KIF26B: variants seen among roughly 807,000 people sequenced by gnomAD.
The protein encoded by KIF26B is kinesin family member 26B, also known as kinesin-like protein KIF26B.
A neutral mutation model predicts 151.2 loss-of-function variants in KIF26B; 63 were observed. The ratio of observed to expected loss-of-function variants is 0.42; its 90% CI spans 0.34 to 0.51. The LOEUF (loss-of-function observed/expected upper bound fraction) is 0.51, where lower values mean the gene tolerates loss of function less well. Among genes scored for constraint, KIF26B ranks in the 20% least tolerant of loss-of-function variants. KIF26B has a pLI of 0.07. For synonymous variants in KIF26B, 1,357 were observed against 1,262.1 expected, an observed-to-expected ratio of 1.08 and a Z score of -1.59; for missense variants, 2,813 against 2,913.6, an observed-to-expected ratio of 0.97 and a Z score of 0.79.
intron 2 of KIF26B, among the ~76,000 whole-genome samples, chr1:245,307,075 G>C (rs1671569181): frequency 6.6e-6 from 1 of 152,138 alleles, no homozygotes; most frequent in South Asian, 2.1e-4. Flanking sequence ...ACTCTGTGCA[G>C]GGTATTATTA....
chr1:245,387,688 T>C (rs994646485), intron 3 of KIF26B, among the ~76,000 whole-genome samples: 2 of 151,936 alleles, frequency 1.3e-5, no homozygotes, highest in Non-Finnish European at 2.9e-5. Context: ...TGAGACCCTA[T>C]CTCAAAAAAA....
intron 2 of KIF26B, among the ~76,000 whole-genome samples, chr1:245,250,836 C>T (rs921028268): frequency 1.3e-5 from 2 of 152,106 alleles, no homozygotes; most frequent in Non-Finnish European, 2.9e-5. Context: ...CTTTTGTTAT[C>T]GTATTGGGGG....
intron 2 of KIF26B, among the ~76,000 whole-genome samples, chr1:245,292,020 C>G (rs1671261121): frequency 6.6e-6 from 1 of 152,152 alleles, no homozygotes. Context: ...GTTACAGACA[C>G]AGGGGAGGTG....
In KIF26B at chr1:245,457,814, G is replaced by T. The variant is rs796894122; in HGVS notation, c.1166+38069G>T. ...TTATTTATTCACTCTCTCATGTATG[G>T]TCATTCCAGTATTTTGCTCTTGCAA... On this transcript the variant is annotated intron_variant, in intron 4 of 14. Coordinates refer to ENST00000407071, the MANE Select transcript of KIF26B (RefSeq NM_018012.4). Among the ~76,000 whole-genome samples, 4 of 152,110 alleles carry T rather than the reference G, an allele frequency of 2.6e-5. No individual in the cohort carries two copies. In the South Asian group the frequency reaches 8.3e-4, roughly 32 times the overall value.
At position 245,408,601 on chromosome 1, in the gene KIF26B, C is replaced by T. The variant is rs891000760; in HGVS notation, c.1000-10978C>T. On this transcript the variant is annotated intron_variant, in intron 3 of 14. Coordinates refer to ENST00000407071, the MANE Select transcript of KIF26B (RefSeq NM_018012.4). The stretch of plus-strand genomic sequence containing the variant: ...AACTCCTGACCTCAGGTGATCCACC[C>T]GCCTCGGCCTCCCAAAGTGTTGGAA... Among the ~76,000 whole-genome samples the T allele has an allele frequency of 3.9e-5, 6 of 152,070 alleles. No individual in the cohort carries two copies. The South Asian group carries it at 6.2e-4, about 16-fold the overall frequency.
intron 2 of KIF26B, among the ~76,000 whole-genome samples, chr1:245,226,310 G>A (rs746183983): frequency 2.0e-5 from 3 of 152,190 alleles, no homozygotes; most frequent in Non-Finnish European, 4.4e-5. Context: ...AGGTTGCAGA[G>A]AGCCAGCTGT....
chr1:245,165,536 G>T (rs978688320), intron 2 of KIF26B, among the ~76,000 whole-genome samples: 2 of 152,174 alleles, frequency 1.3e-5, no homozygotes, highest in Non-Finnish European at 2.9e-5. Context: ...GGATGTCAGC[G>T]TAGAGAAGGT....
chr1:245,322,479 A>G (rs992670042), intron 2 of KIF26B, among the ~76,000 whole-genome samples: 1 of 152,232 alleles, frequency 6.6e-6, no homozygotes, highest in Non-Finnish European at 1.5e-5. Flanking sequence ...AACAACTCAG[A>G]CACATGTCCT....
chr1:245,635,163 TG>T (rs1205649366), intron 9 of KIF26B, among the ~76,000 whole-genome samples: 2 of 151,738 alleles, frequency 1.3e-5, no homozygotes, highest in African/African-American at 4.8e-5. Context: ...TAGTATAGCT[TG>T]GGAAGTATTT....
At chr1:245,254,506 T>C (rs1670500170) in intron 2 of KIF26B, among the ~76,000 whole-genome samples, 1 of 152,220 alleles carries the variant, frequency 6.6e-6, no homozygotes, top group Admixed American at 6.5e-5. Context: ...TGACTTATTT[T>C]TGAAAGGCAT....
chr1:245,539,343 A>G (rs1197572459), intron 4 of KIF26B, among the ~76,000 whole-genome samples: 2 of 152,280 alleles, frequency 1.3e-5, no homozygotes, highest in East Asian at 3.9e-4. Context: ...TCGGGGAGGG[A>G]GAGGCGGTGC....
chr1:245,155,372 T>C lies in KIF26B; in HGVS notation c.-53T>C. The C allele has an allele frequency of 1.4e-6, 2 of 1,476,860 alleles. No homozygotes were observed. Among genetic ancestry groups the C allele is most frequent in the Non-Finnish European group, 1.9e-6 (2 of 1,070,796 alleles). The allele number at this position is 1,476,860 out of a possible 1,614,324, so 91.5% of individuals were successfully genotyped here. A position where few individuals can be genotyped will look rare whatever the true frequency, so the allele number is the denominator to read the frequency against. The stretch of plus-strand genomic sequence containing the variant: ...GGGACGCTTCTGGGTTGGAGGACCT[T>C]CTGGATGTAGCGTCGGTGGAACCTT... On this transcript the variant is annotated 5_prime_UTR_variant, in exon 1 of 15. Transcript: ENST00000407071.
At chr1:245,658,168 A>C (rs1005553791) in intron 10 of KIF26B, among the ~76,000 whole-genome samples, 1 of 152,162 alleles carries the variant, frequency 6.6e-6, no homozygotes, top group East Asian at 1.9e-4. Flanking sequence ...CCTTCTTTTG[A>C]TCAGTATTTC....
In KIF26B at chr1:245,609,492, C is replaced by T. The variant is rs752517687; in HGVS notation, c.1878C>T (p.Gly626=). The change falls in exon 8 of 15, where the codon GGC becomes GGT. Residue 626 remains glycine, a synonymous_variant. Coordinates refer to ENST00000407071, the MANE Select transcript of KIF26B (RefSeq NM_018012.4). The part of the protein sequence containing the change: ...TGSLQDGQSP[G]VYLCEDPICG... The stretch of plus-strand genomic sequence containing the variant: ...GCCTGCAGGACGGCCAGTCCCCGGG[C>T]GTGTACCTCTGTGAGGACCCCATCT... The T allele has an allele frequency of 5.0e-6, 8 of 1,591,946 alleles. No individual in the cohort carries two copies. Among genetic ancestry groups the T allele is most frequent in the South Asian group, 1.1e-5 (1 of 87,012 alleles).
At chr1:245,289,382 C>T (rs1167830289) in intron 2 of KIF26B, among the ~76,000 whole-genome samples, 3 of 152,116 alleles carry the variant, frequency 2.0e-5, no homozygotes, top group Non-Finnish European at 2.9e-5. Context: ...ATTTTCGACT[C>T]GGCAAGTGTA....
intron 4 of KIF26B, among the ~76,000 whole-genome samples, chr1:245,499,328 T>C (rs1253116866): frequency 6.6e-6 from 1 of 152,138 alleles, no homozygotes; most frequent in Non-Finnish European, 1.5e-5. Flanking sequence ...TAATCCAACA[T>C]AATGATAGTC....
At position 245,367,512 on chromosome 1, in the gene KIF26B, C is replaced by A; in HGVS notation, c.999+145C>A. 1.2e-6 allele frequency: 1 copy of A among 808,812 alleles called. No homozygotes were observed. Among genetic ancestry groups the A allele is most frequent in the Non-Finnish European group, 1.9e-6 (1 of 526,908 alleles). The allele number at this position is 808,812 out of a possible 1,614,324, so 50.1% of individuals were successfully genotyped here. On this transcript the variant is annotated intron_variant, in intron 3 of 14. Transcript: ENST00000407071. This position sits in a 1 kb window ranked among gnomAD's most constrained non-coding sequence, Gnocchi z 4.2. ...CATGTGGCCCCCACAGAGTTCTCAT[C>A]AAGGTGCCCCACCCGGGCCTGCCTG... is the stretch of plus-strand genomic sequence containing the variant.
In KIF26B at chr1:245,575,462, G is replaced by A. The variant is rs149055058; in HGVS notation, c.1351-27115G>A. Among the ~76,000 whole-genome samples, 23 of 150,112 alleles carry A rather than the reference G, an allele frequency of 1.5e-4. No homozygotes were observed. The East Asian group carries it at 4.6e-3, about 30-fold the overall frequency. Reference sequence around the variant, plus strand: ...TATACTCCAGCCTGGGCAACAGTGTGGGACTCCATCTCAAAAAAAAAATGT... The same window carrying A: ...TATACTCCAGCCTGGGCAACAGTGTAGGACTCCATCTCAAAAAAAAAATGT... On this transcript the variant is annotated intron_variant, in intron 5 of 14. Coordinates refer to ENST00000407071, the MANE Select transcript of KIF26B (RefSeq NM_018012.4).
At chr1:245,286,723 A>G (rs1671169157) in intron 2 of KIF26B, among the ~76,000 whole-genome samples, 1 of 152,234 alleles carries the variant, frequency 6.6e-6, no homozygotes, top group South Asian at 2.1e-4. Flanking sequence ...CTATTCATAA[A>G]TTAATGAAAG....
Sources: allele counts gnomAD v4.1 joint callset (sites outside exome capture counted in the v4.1 genomes callset), GRCh38; gene constraint gnomAD v4.1.1; non-coding constraint Gnocchi (gnomAD v3.1); transcripts MANE v1.5; gene names NCBI Gene and HGNC (gene_info 2026-07-23, HGNC 2026-07-21).